PANX1: variants seen among roughly 807,000 people sequenced by gnomAD.
PANX1 encodes pannexin-1.
Under a neutral mutation model 38.7 loss-of-function variants are expected in PANX1, and 30 were observed. The observed-to-expected ratio is 0.78, with a 90% confidence interval of 0.58 to 1.05. The LOEUF is 1.05. Among genes scored for constraint, PANX1 ranks in the 50% least tolerant of loss-of-function variants. The pLI is 0.00. For missense variants in PANX1, 551 were observed against 517.2 expected (o/e 1.07, Z -0.63); for synonymous variants, 230 against 212.2 (o/e 1.08, Z -0.73).
At chr11:94,129,519 A>G (rs138436783) in intron 1 of PANX1, 26 bp downstream of exon 1, 34,827 of 1,582,222 alleles carry the variant, frequency 0.022, 452 homozygotes, top group Non-Finnish European at 0.025. Flanking sequence ...GACGGAGGGG[A>G]GTGGCCGCCC....
intron 1 of PANX1, among the ~76,000 whole-genome samples, chr11:94,142,208 C>T (rs951981325): frequency 1.3e-5 from 2 of 152,180 alleles, no homozygotes; most frequent in Non-Finnish European, 2.9e-5. Flanking sequence ...TCTTCCCTAC[C>T]CCTTGGATTC....
Position 94,129,080 on chromosome 11 carries a change from T to G in PANX1, c.-233T>G. On this transcript the variant is annotated 5_prime_UTR_variant, in exon 1 of 5. Coordinates refer to ENST00000227638, the MANE Select transcript of PANX1 (RefSeq NM_015368.4). ...GGGGTGGAACCGCAGGAAGCGGAGC[T>G]CTCGGGTTCCCGCCCCGCCCCGCCC... is the stretch of plus-strand genomic sequence containing the variant. 1 of 387,736 alleles carries G rather than the reference T, an allele frequency of 2.6e-6. No individual in the cohort carries two copies. Among genetic ancestry groups the G allele is most frequent in the Non-Finnish European group, 4.4e-6 (1 of 226,440 alleles). The allele number at this position is 387,736 out of a possible 1,614,324, so 24.0% of individuals were successfully genotyped here.
At position 94,142,483 on chromosome 11, in the gene PANX1, G is replaced by A. The variant is rs1946774703; in HGVS notation, c.182-11008G>A. On this transcript the variant is annotated intron_variant, in intron 1 of 4. Transcript: ENST00000227638. ...TTGACTGTGTGCTCCAGACACAGTG[G>A]TCTGCTTCCTGTCTTAAATGGGCTG... 3.3e-5 allele frequency among the ~76,000 whole-genome samples: 5 copies of A among 152,190 alleles called. No individual in the cohort carries two copies. The South Asian group carries it at 1.0e-3, about 32-fold the overall frequency.
At position 94,129,026 on chromosome 11, in the gene PANX1, G is replaced by A. The variant is rs1420220861; in HGVS notation, c.-287G>A. On this transcript the variant is annotated 5_prime_UTR_variant, in exon 1 of 5. Coordinates refer to ENST00000227638, the MANE Select transcript of PANX1 (RefSeq NM_015368.4). ...GGAGAGGCGCGAATCCGAGTGCCGC[G>A]CGCGGCCCGGGGACTTGCACGGGCG... 7.6e-6 allele frequency: 2 copies of A among 262,052 alleles called. No homozygotes were observed. The highest frequency in any genetic ancestry group is 1.4e-5 in the Non-Finnish European group (2 of 139,270). The allele number at this position is 262,052 out of a possible 1,614,324, so 16.2% of individuals were successfully genotyped here.
At chr11:94,169,045 C>A (rs1260546283) in intron 2 of PANX1, among the ~76,000 whole-genome samples, 1 of 151,536 alleles carries the variant, frequency 6.6e-6, no homozygotes, top group Non-Finnish European at 1.5e-5. Flanking sequence ...GAATCAGGTG[C>A]TGTGGTCCAG....
At chr11:94,158,498 C>A (rs11020664) in intron 2 of PANX1, among the ~76,000 whole-genome samples, 1 of 150,784 alleles carries the variant, frequency 6.6e-6, no homozygotes, top group African/African-American at 2.4e-5. Context: ...GTATTTTATT[C>A]TCTTTGAAGC....
At chr11:94,179,541 C>A in intron 3 of PANX1, 61 bp from the exon 4 acceptor site, 1 of 1,228,586 alleles carries the variant, frequency 8.1e-7, no homozygotes, top group Non-Finnish European at 1.2e-6. Flanking sequence ...TGTGTATCTG[C>A]CTTTAATATT....
chr11:94,166,915 G>A (rs1225832590), intron 2 of PANX1, among the ~76,000 whole-genome samples: 1 of 152,176 alleles, frequency 6.6e-6, no homozygotes, highest in Non-Finnish European at 1.5e-5. Context: ...TCTAAGACCA[G>A]TGCAGCACCA....
At chr11:94,139,518 G>A (rs921935005) in intron 1 of PANX1, among the ~76,000 whole-genome samples, 2 of 152,204 alleles carry the variant, frequency 1.3e-5, no homozygotes, top group Admixed American at 1.3e-4. Flanking sequence ...TGGTTTCCCA[G>A]CACTCTGCTG....
chr11:94,156,251 C>A (rs546198824), intron 2 of PANX1, among the ~76,000 whole-genome samples: 1 of 152,290 alleles, frequency 6.6e-6, no homozygotes, highest in East Asian at 1.9e-4. Flanking sequence ...CATTGCTCTT[C>A]TAGTCAAGGA....
intron 1 of PANX1, among the ~76,000 whole-genome samples, chr11:94,137,681 G>C (rs1324935875): frequency 6.7e-5 from 10 of 150,134 alleles, no homozygotes; most frequent in Admixed American, 6.0e-4. Flanking sequence ...TGAAAGGGGT[G>C]GTGGGGAGGG....
intron 2 of PANX1, among the ~76,000 whole-genome samples, chr11:94,163,539 T>C (rs1591520074): frequency 6.6e-6 from 1 of 152,370 alleles, no homozygotes; most frequent in South Asian, 2.1e-4. Context: ...TTGATTTGCA[T>C]ATGTTGAACT....
rs576459725 is a variant in PANX1, at chr11:94,149,412, G to A, written c.182-4079G>A. Among the ~76,000 whole-genome samples, 21 of 152,300 alleles carry A rather than the reference G, an allele frequency of 1.4e-4. No individual in the cohort carries two copies. The South Asian group carries it at 4.4e-3, about 32-fold the overall frequency. The stretch of plus-strand genomic sequence containing the variant: ...ATGCTCCAGGTCAAGGCACCTGGAG[G>A]AGGGTGGATGGGGAGATGTCTGTGG... On this transcript the variant is annotated intron_variant, in intron 1 of 4. Transcript: ENST00000227638.
rs756657348 is a variant in PANX1 at position 94,129,270 on chromosome 11, G to T, written c.-43G>T. On this transcript the variant is annotated 5_prime_UTR_variant, in exon 1 of 5. Transcript: ENST00000227638. ...GGCGCCGCGCAGCTTTCCCGACGCC[G>T]GCTGTACCCGGACCTCCTGGTCGAG... 7.1e-6 allele frequency: 11 copies of T among 1,547,568 alleles called. No homozygotes were observed. The highest frequency in any genetic ancestry group is 8.8e-6 in the Non-Finnish European group (10 of 1,135,806).
chr11:94,148,551 A>T (rs1266132179), intron 1 of PANX1, among the ~76,000 whole-genome samples: 1 of 152,078 alleles, frequency 6.6e-6, no homozygotes, highest in Non-Finnish European at 1.5e-5. Flanking sequence ...TCCTCTTTGT[A>T]TGATTGTTCT....
intron 1 of PANX1, among the ~76,000 whole-genome samples, chr11:94,132,299 A>G (rs557301433): frequency 6.6e-6 from 1 of 152,186 alleles, no homozygotes; most frequent in Non-Finnish European, 1.5e-5. Context: ...CTAATGCAGG[A>G]TTCATGGAAC....
intron 2 of PANX1, among the ~76,000 whole-genome samples, chr11:94,159,916 T>C (rs1395097978): frequency 2.0e-5 from 3 of 152,084 alleles, no homozygotes; most frequent in Non-Finnish European, 4.4e-5. Context: ...CCAGAGATTC[T>C]GGTATGTTGT....
chr11:94,163,704 G>A (rs1157347324), intron 2 of PANX1, among the ~76,000 whole-genome samples: 1 of 152,066 alleles, frequency 6.6e-6, no homozygotes, highest in Non-Finnish European at 1.5e-5. Flanking sequence ...GTCTGATTTT[G>A]GTGTCATGGT....
At chr11:94,160,332 A>G (rs1275604573) in intron 2 of PANX1, among the ~76,000 whole-genome samples, 1 of 152,044 alleles carries the variant, frequency 6.6e-6, no homozygotes, top group Non-Finnish European at 1.5e-5. Flanking sequence ...TGAGGTGTTA[A>G]AGTCTCCCAT....
Sources: gnomAD v4.1 joint callset for allele counts (sites outside exome capture counted in the v4.1 genomes callset) on GRCh38, gnomAD v4.1.1 for gene constraint, MANE v1.5 for transcripts, NCBI Gene and HGNC (gene_info 2026-07-23, HGNC 2026-07-21) for gene names.